Variants in CDH7 observed in about 807,000 individuals in gnomAD.
CDH7 encodes the protein cadherin-7.
In CDH7, 25 loss-of-function variants were observed where a neutral mutation model predicts 71.8. The observed-to-expected ratio is 0.35, with a 90% CI of 0.25 to 0.49. The LOEUF is 0.49. CDH7 is among the 20% of genes least tolerant of loss of function. The probability of loss-of-function intolerance (pLI) is 0.99; values close to 1 mark genes in which losing one functional copy is unlikely to be tolerated. For synonymous variants in CDH7, 381 were observed against 363.8 expected (o/e 1.05, Z -0.54); for missense variants, 862 against 974.6 (o/e 0.88, Z 1.54).
chr18:65,781,750 A>G (rs1910195845), intron 2 of CDH7, among the ~76,000 whole-genome samples: 6 of 78,520 alleles, frequency 7.6e-5, no homozygotes, highest in African/African-American at 3.2e-4. Flanking sequence ...CTATTGGTTG[A>G]TTTCTTTCTT....
chr18:65,859,350 T>G (rs530792894), intron 9 of CDH7, among the ~76,000 whole-genome samples: 1 of 152,302 alleles, frequency 6.6e-6, no homozygotes, highest in South Asian at 2.1e-4. Context: ...GTTTCCTACC[T>G]TACCCAACCG....
intron 4 of CDH7, among the ~76,000 whole-genome samples, chr18:65,821,111 A>C (rs1468743316): frequency 8.6e-6 from 1 of 115,960 alleles, no homozygotes; most frequent in African/African-American, 3.0e-5. Context: ...AATTAACAGC[A>C]AAAAATAACA....
intron 2 of CDH7, among the ~76,000 whole-genome samples, chr18:65,768,151 T>G (rs1336910848): frequency 6.6e-6 from 1 of 152,230 alleles, no homozygotes; most frequent in Non-Finnish European, 1.5e-5. Flanking sequence ...TGTGTTTATG[T>G]GCAATCTACT....
At chr18:65,782,234 T>A (rs925268357) in intron 2 of CDH7, among the ~76,000 whole-genome samples, 2 of 150,758 alleles carry the variant, frequency 1.3e-5, no homozygotes, top group Non-Finnish European at 2.9e-5. Flanking sequence ...TGGCACCGTC[T>A]AGGCTCACTG....
At position 65,859,703 on chromosome 18, in the gene CDH7, C is replaced by G. The variant is rs371954670; in HGVS notation, c.1495-5C>G. 931 of 1,560,318 alleles carry G rather than the reference C, an allele frequency of 6.0e-4. 1 individual carries two copies. Among genetic ancestry groups the G allele is most frequent in the Admixed American group, 7.7e-4 (46 of 59,852 alleles). The stretch of plus-strand genomic sequence containing the variant: ...GCTTTCATCTTTTACTTTCTCTTTT[C>G]CTAGGTTATCCAGAAAATCAGTGCT... On this transcript the variant is annotated splice_polypyrimidine_tract_variant and splice_region_variant and intron_variant, in intron 9 of 11. Transcript: ENST00000397968.
chr18:65,780,896 T>G (rs1377421777), intron 2 of CDH7, among the ~76,000 whole-genome samples: 1 of 151,220 alleles, frequency 6.6e-6, no homozygotes, highest in African/African-American at 2.4e-5. Context: ...CTTAACTGCC[T>G]TGTTTGCCTC....
At chr18:65,876,490 C>T (rs1914077004) in intron 11 of CDH7, among the ~76,000 whole-genome samples, 2 of 152,150 alleles carry the variant, frequency 1.3e-5, no homozygotes, top group African/African-American at 4.8e-5. Flanking sequence ...AACCTTACCT[C>T]ACCTCTTTCT....
chr18:65,763,121 C>CTATA, intron 2 of CDH7, 69 bp downstream of exon 2: 1 of 823,072 alleles, frequency 1.2e-6, no homozygotes, highest in Non-Finnish European at 1.7e-6. Flanking sequence ...TGAAAAACTG[C>CTATA]TATATATATA....
intron 3 of CDH7, 114 bp from the exon 4 acceptor site, chr18:65,814,371 A>G: frequency 8.4e-7 from 1 of 1,197,416 alleles, no homozygotes. Context: ...GTCTTGAAAA[A>G]GATAAATGAA....
intron 2 of CDH7, among the ~76,000 whole-genome samples, chr18:65,796,784 T>G (rs2143871269): frequency 6.6e-6 from 1 of 152,336 alleles, no homozygotes; most frequent in Non-Finnish European, 1.5e-5. Flanking sequence ...TGAGCAATTC[T>G]AATTATGTTG....
intron 11 of CDH7, among the ~76,000 whole-genome samples, 170 bp from the exon 12 acceptor site, chr18:65,880,231 A>G (rs1389761254): frequency 1.3e-5 from 2 of 152,174 alleles, no homozygotes; most frequent in Non-Finnish European, 2.9e-5. Flanking sequence ...AAGCCACTTT[A>G]GCAATTTTAG....
chr18:65,766,885 TAAAAAAAAA>T (rs61611288), intron 2 of CDH7, among the ~76,000 whole-genome samples: 37 of 88,610 alleles, frequency 4.2e-4, no homozygotes, highest in African/African-American at 6.3e-4. Flanking sequence ...CTGTCTGACG[TAAAAAAAAA>T]AAAAAAAAAA....
Position 65,865,489 on chromosome 18 carries a change from T to C in CDH7, c.1864+2572T>C, listed in dbSNP as rs906024551. ...ATATTTTATTCATTTTTTTAAGAGT[T>C]ACCGCAAGTCTTCAAAACCGTAAGT... On this transcript the variant is annotated intron_variant, in intron 11 of 11. Transcript: ENST00000397968. 3 of 152,146 alleles carry C rather than the reference T, an allele frequency of 2.0e-5. No homozygotes were observed. In the East Asian group the frequency reaches 5.8e-4, roughly 29 times the overall value. The allele number at this position is 152,146 out of a possible 1,614,324, so 9.4% of individuals were successfully genotyped here.
At chr18:65,771,092 G>A (rs1257766124) in intron 2 of CDH7, among the ~76,000 whole-genome samples, 4 of 152,062 alleles carry the variant, frequency 2.6e-5, no homozygotes, top group South Asian at 2.1e-4. Flanking sequence ...CAGTATTATG[G>A]GATTCAGGTC....
intron 2 of CDH7, among the ~76,000 whole-genome samples, chr18:65,798,893 G>A (rs1006915783): frequency 3.3e-5 from 5 of 152,108 alleles, no homozygotes; most frequent in Admixed American, 6.5e-5. Flanking sequence ...GGGGATCTGG[G>A]AGGCTTTCGT....
At chr18:65,830,667 C>CTTCCTTTCCTTTCCTTTCCT (rs10681635) in intron 6 of CDH7, among the ~76,000 whole-genome samples, 1 of 135,010 alleles carries the variant, frequency 7.4e-6, no homozygotes, top group Admixed American at 8.1e-5. Context: ...CTCTCTCTCT[C>CTTCCTTTCCTTTCCTTTCCT]TTCCTTTCCT....
chr18:65,776,361 AACACACACACACAC>A (rs66695422), intron 2 of CDH7, among the ~76,000 whole-genome samples: 70 of 139,722 alleles, frequency 5.0e-4, no homozygotes, highest in Middle Eastern at 7.2e-3. Context: ...GAAAGTACAG[AACACACACACACAC>A]ACACACACAC....
intron 7 of CDH7, among the ~76,000 whole-genome samples, chr18:65,849,418 TCTTTTCTTTC>T (rs1913065993): frequency 1.6e-5 from 2 of 125,262 alleles, no homozygotes; most frequent in East Asian, 4.2e-4. Flanking sequence ...TCTTTTCTTT[TCTTTTCTTTC>T]TTTTCTTTCC....
chr18:65,802,921 A>G (rs4303645), intron 2 of CDH7, among the ~76,000 whole-genome samples: 91,351 of 151,552 alleles, frequency 0.6, 29,166 homozygotes, highest in East Asian at 0.97. Flanking sequence ...TAACCATGTC[A>G]TAGGCACAGA....
Sources: gnomAD v4.1 joint callset for allele counts (sites outside exome capture counted in the v4.1 genomes callset) on GRCh38, gnomAD v4.1.1 for gene constraint, MANE v1.5 for transcripts, NCBI Gene and HGNC (gene_info 2026-07-23, HGNC 2026-07-21) for gene names.